SYCE1: variants seen among roughly 807,000 people sequenced by gnomAD.
The protein encoded by SYCE1 is synaptonemal complex central element protein 1.
In SYCE1, 37 loss-of-function variants were observed where a neutral mutation model predicts 55.1. That is an observed-to-expected ratio of 0.67 (90% CI 0.52 to 0.88). The LOEUF (loss-of-function observed/expected upper bound fraction) is 0.88, where lower values mean the gene tolerates loss of function less well. Ranked by LOEUF, SYCE1 falls within the 40% of genes least tolerant of loss-of-function variation. SYCE1 has a pLI of 0.00. For synonymous variants in SYCE1, 163 were observed against 159.4 expected (o/e 1.02, Z -0.17); for missense variants, 399 against 416.4 (o/e 0.96, Z 0.36).
intron 1 of SYCE1, chr10:133,560,363 C>T (rs1000281659): frequency 8.7e-6 from 4 of 460,692 alleles, no homozygotes; most frequent in Admixed American, 3.9e-5. Context: ...CTTTGTAAAA[C>T]TCTGGGTGAG....
chr10:133,556,105 A>G lies in SYCE1; in HGVS notation c.529-58T>C, dbSNP rs545114411. 22 of 1,590,518 alleles carry G rather than the reference A, an allele frequency of 1.4e-5. 1 individual carries two copies. The Middle Eastern group carries it at 1.2e-3, about 85-fold the overall frequency. On this transcript the variant is annotated intron_variant, in intron 8 of 12. Coordinates refer to ENST00000343131, the MANE Select transcript of SYCE1 (RefSeq NM_001143764.3). ...CTTGGCTTTCCCCCATGCCTCAAAG[A>G]AGGCTATCTGGATCTTGTTTCATAC... is the stretch of plus-strand genomic sequence containing the variant.
At chr10:133,556,855 G>A (rs1851696678) in intron 7 of SYCE1, 33 bp from the exon 8 acceptor site, 1 of 1,604,216 alleles carries the variant, frequency 6.2e-7, no homozygotes, top group African/African-American at 1.3e-5. Flanking sequence ...AGGGGATATG[G>A]GCTGAAATCA....
At position 133,560,154 on chromosome 10, in the gene SYCE1, C is replaced by T. The variant is rs1474836685; in HGVS notation, c.74-1G>A. 20 of 1,613,804 alleles carry T rather than the reference C, an allele frequency of 1.2e-5. No homozygotes were observed. Among genetic ancestry groups the T allele is most frequent in the Non-Finnish European group, 1.5e-5 (18 of 1,179,916 alleles). On this transcript the variant is annotated splice_acceptor_variant, in intron 1 of 12. Coordinates refer to ENST00000343131, the MANE Select transcript of SYCE1 (RefSeq NM_001143764.3). LOFTEE classifies it high-confidence loss of function. ...ATTTTCTGTGAGGACGTGTCCTGCC[C>T]TGTGGAGACAAAACCAAACATTTCA...
At chr10:133,559,247 GCC>G in intron 3 of SYCE1, 52 bp downstream of exon 3, 3 of 1,580,904 alleles carry the variant, frequency 1.9e-6, no homozygotes, top group South Asian at 2.2e-5. Context: ...TTGGCACTGA[GCC>G]CCGCAAACCA....
chr10:133,565,451 C>G lies in SYCE1; in HGVS notation c.73+6G>C. The G allele has an allele frequency of 1.3e-6, 2 of 1,546,528 alleles. No homozygotes were observed. Among genetic ancestry groups the G allele is most frequent in the Non-Finnish European group, 1.7e-6 (2 of 1,145,164 alleles). ...TCACGCACAGTTCCCTGCCTCCCAC[C>G]ACTACCTCCGGCCTTCTCAGCCCTG... On this transcript the variant is annotated splice_donor_region_variant and intron_variant, in intron 1 of 12. Transcript: ENST00000343131.
At chr10:133,559,228 C>A in intron 3 of SYCE1, 73 bp downstream of exon 3, 1 of 1,498,238 alleles carries the variant, frequency 6.7e-7, no homozygotes, top group Non-Finnish European at 9.3e-7. Context: ...AGGGACCCTG[C>A]ATTCTCACTT....
upstream of SYCE1, chr10:133,568,194 T>C (rs1194997887): frequency 1.9e-6 from 2 of 1,073,026 alleles, no homozygotes; most frequent in South Asian, 2.6e-5. Flanking sequence ...GTACAGTAGC[T>C]GTAGATGCCG....
chr10:133,559,061 G>C, intron 3 of SYCE1, 110 bp from the exon 4 acceptor site: 1 of 1,210,932 alleles, frequency 8.3e-7, no homozygotes, highest in East Asian at 2.5e-5. Context: ...AGATTTTATA[G>C]AGTAGGAAAC....
intron 1 of SYCE1, chr10:133,560,383 G>T: frequency 2.6e-6 from 1 of 384,388 alleles, no homozygotes; most frequent in Non-Finnish European, 4.6e-6. Context: ...GGGCAGGGGT[G>T]CACTCTCACT....
Position 133,557,074 on chromosome 10 carries a change from GTC to G in SYCE1, c.455_456del (p.Arg152ThrfsTer68), listed in dbSNP as rs1589966038. On this transcript the variant is annotated frameshift_variant, in exon 7 of 13. Coordinates refer to ENST00000343131, the MANE Select transcript of SYCE1 (RefSeq NM_001143764.3). LOFTEE classifies it high-confidence loss of function. Reference sequence around the variant, plus strand: ...TCAGATGCTAAGGTTTACCTCAGCTGTCTCTGTTTGTTCTTCTCTTCTTCAAT... The same window carrying G: ...TCAGATGCTAAGGTTTACCTCAGCTGTCTGTTTGTTCTTCTCTTCTTCAAT... ...LQIEEEKNKQ[R>X]QLRLAFEEQL... is the part of the protein sequence containing the mutation. 6 of 1,614,024 alleles carry G rather than the reference GTC, an allele frequency of 3.7e-6. No homozygotes were observed. The highest frequency in any genetic ancestry group is 5.1e-6 in the Non-Finnish European group (6 of 1,179,912).
chr10:133,562,016 A>C (rs1027704121), intron 1 of SYCE1, among the ~76,000 whole-genome samples: 2 of 152,232 alleles, frequency 1.3e-5, no homozygotes, highest in Middle Eastern at 3.4e-3. Flanking sequence ...CCTTTTTGCT[A>C]GCCAGGCCAA....
At chr10:133,565,583 T>TG, upstream of SYCE1, 1 of 1,525,518 alleles carries the variant, frequency 6.6e-7, no homozygotes, top group Non-Finnish European at 8.8e-7. Flanking sequence ...CAGTGGTGAT[T>TG]GGAGCAACCG....
At chr10:133,555,245 G>A (rs1179216816) in intron 12 of SYCE1, 106 bp downstream of exon 12, 1 of 1,572,516 alleles carries the variant, frequency 6.4e-7, no homozygotes, top group Non-Finnish European at 8.7e-7. Flanking sequence ...CCTCCCCATA[G>A]ACCATCCTCT....
chr10:133,554,566 C>G (rs79949402), downstream of SYCE1: 1,637 of 658,656 alleles, frequency 2.5e-3, 21 homozygotes, highest in African/African-American at 0.026. Context: ...AGAGCACAAA[C>G]TACACAGCTA....
At position 133,555,044 on chromosome 10, in the gene SYCE1, A is replaced by T. The variant is rs1257042697; in HGVS notation, c.1004T>A (p.Leu335His). Reference sequence around the variant, plus strand: ...GCCCCTTGGGCTAAGGTCGGGGTGGAGTGTGTCCTCCTGGCCTATGAGGAC... The same window carrying T: ...GCCCCTTGGGCTAAGGTCGGGGTGGTGTGTGTCCTCCTGGCCTATGAGGAC... Reference protein sequence around the residue: ...PDVLIGQEDTLHPDLSPRGFQ... With the variant: ...PDVLIGQEDTHHPDLSPRGFQ... The change falls in exon 13 of 13, where the codon CTC (leucine) becomes CAC (histidine). Residue 335 changes from leucine to histidine, a missense_variant. Coordinates refer to ENST00000343131, the MANE Select transcript of SYCE1 (RefSeq NM_001143764.3). 5 of 1,551,412 alleles carry T rather than the reference A, an allele frequency of 3.2e-6. No individual in the cohort carries two copies.
upstream of SYCE1, chr10:133,568,198 G>T: frequency 9.1e-7 from 1 of 1,104,754 alleles, no homozygotes; most frequent in Non-Finnish European, 1.3e-6. Context: ...AGTAGCTGTA[G>T]ATGCCGAGCC....
chr10:133,566,144 G>A (rs907734208), upstream of SYCE1, among the ~76,000 whole-genome samples: 5 of 152,224 alleles, frequency 3.3e-5, no homozygotes, highest in Non-Finnish European at 7.4e-5. Context: ...CTTCTGCACG[G>A]TCCCTGCCGC....
chr10:133,555,243 T>A (rs142455966), intron 12 of SYCE1, 108 bp downstream of exon 12: 11 of 1,569,708 alleles, frequency 7.0e-6, no homozygotes, highest in Non-Finnish European at 7.8e-6. Flanking sequence ...GCCCTCCCCA[T>A]AGACCATCCT....
In SYCE1 at chr10:133,565,535, C is replaced by T. The variant is rs1037671351; in HGVS notation, c.-6G>A. 1.9e-5 allele frequency: 30 copies of T among 1,549,402 alleles called. No homozygotes were observed. The Admixed American group carries it at 5.7e-4, about 29-fold the overall frequency. On this transcript the variant is annotated 5_prime_UTR_variant, in exon 1 of 13. Coordinates refer to ENST00000343131, the MANE Select transcript of SYCE1 (RefSeq NM_001143764.3). ...GTCAGGGACCTCCCCGCCATTTCCTCTCAGCTCGCCAGCGAGGGTGCCTCG... is the reference window on the plus strand; with the variant it reads ...GTCAGGGACCTCCCCGCCATTTCCTTTCAGCTCGCCAGCGAGGGTGCCTCG...
Sources: allele counts gnomAD v4.1 joint callset (sites outside exome capture counted in the v4.1 genomes callset), GRCh38; gene constraint gnomAD v4.1.1; transcripts MANE v1.5; gene names NCBI Gene and HGNC (gene_info 2026-07-23, HGNC 2026-07-21).